The following TMC2 variants were observed in gnomAD, a reference collection of about 807,000 sequenced individuals.
The protein encoded by TMC2 is transmembrane channel like 2, also known as transmembrane channel-like protein 2.
A neutral mutation model predicts 105.9 loss-of-function variants in TMC2; 102 were observed. The observed-to-expected ratio is 0.96, with a 90% CI of 0.82 to 1.14. The LOEUF (loss-of-function observed/expected upper bound fraction) is 1.14, where lower values mean the gene tolerates loss of function less well. TMC2 is among the 50% of genes most tolerant of loss of function. The pLI is 0.00. For synonymous variants in TMC2, 402 were observed against 422.8 expected, an observed-to-expected ratio of 0.95 and a Z score of 0.60; for missense variants, 1,093 against 1,134.3, an observed-to-expected ratio of 0.96 and a Z score of 0.52.
At chr20:2,577,333 G>A (rs570743133) in intron 5 of TMC2, among the ~76,000 whole-genome samples, 2 of 152,192 alleles carry the variant, frequency 1.3e-5, no homozygotes, top group South Asian at 4.2e-4. Flanking sequence ...GAGCCACCAC[G>A]CCCAGCCCAA....
chr20:2,623,260 G>A (rs188560737), intron 16 of TMC2, among the ~76,000 whole-genome samples: 3 of 152,088 alleles, frequency 2.0e-5, no homozygotes, highest in African/African-American at 4.8e-5. Context: ...TTGTCAGGCC[G>A]GGCACAGTGG....
At chr20:2,578,925 C>T (rs1222232342) in intron 5 of TMC2, among the ~76,000 whole-genome samples, 2 of 152,226 alleles carry the variant, frequency 1.3e-5, no homozygotes, top group Non-Finnish European at 2.9e-5. Flanking sequence ...GTGGCCCTCA[C>T]TTGTCTCTCA....
At chr20:2,549,311 C>T (rs770423324) in intron 2 of TMC2, among the ~76,000 whole-genome samples, 2 of 152,226 alleles carry the variant, frequency 1.3e-5, no homozygotes, top group Non-Finnish European at 2.9e-5. Context: ...CCTCCTCAGC[C>T]TCCCAAAGTG....
intron 7 of TMC2, among the ~76,000 whole-genome samples, chr20:2,585,729 A>G (rs2146204568): frequency 6.6e-6 from 1 of 152,316 alleles, no homozygotes; most frequent in Admixed American, 6.5e-5. Flanking sequence ...CTCAGTGGCT[A>G]TTGGCCAGAG....
At chr20:2,554,910 G>C (rs927258589) in intron 2 of TMC2, among the ~76,000 whole-genome samples, 12 of 152,094 alleles carry the variant, frequency 7.9e-5, no homozygotes, top group African/African-American at 2.7e-4. Context: ...GTTGTTGTTG[G>C]ATGATATATT....
intron 7 of TMC2, among the ~76,000 whole-genome samples, chr20:2,581,268 G>C (rs1487934359): frequency 6.6e-6 from 1 of 152,188 alleles, no homozygotes; most frequent in Non-Finnish European, 1.5e-5. Context: ...GGTAGCAAAG[G>C]AGTGTTACAT....
intron 7 of TMC2, among the ~76,000 whole-genome samples, chr20:2,582,670 T>C (rs1395179987): frequency 6.6e-6 from 1 of 152,054 alleles, no homozygotes; most frequent in Non-Finnish European, 1.5e-5. Flanking sequence ...GAGATGGGGT[T>C]TCGCCATGTT....
intron 11 of TMC2, among the ~76,000 whole-genome samples, chr20:2,607,636 A>G (rs1039661552): frequency 3.3e-5 from 5 of 152,184 alleles, no homozygotes; most frequent in African/African-American, 1.2e-4. Context: ...TGGATACCCC[A>G]CTGTTTCTCT....
At position 2,643,060 on chromosome 20, in the gene TMC2, C is replaced by G. The variant is rs182425720; in HGVS notation, c.*1709C>G. 6.6e-6 allele frequency among the ~76,000 whole-genome samples: 1 copy of G among 152,152 alleles called. No homozygotes were observed. Among genetic ancestry groups the G allele is most frequent in the South Asian group, 2.1e-4 (1 of 4,832 alleles). On this transcript the variant is annotated 3_prime_UTR_variant, in exon 20 of 20. Transcript: ENST00000358864. ...AGCACCAAAACTTCACATATATATA[C>G]AAACTGCAATGGAATAATAGGGACA...
rs2086028592 is a variant in TMC2 at position 2,561,881 on chromosome 20, C to T, written c.425C>T (p.Ala142Val). ...AGGTCATCCTCCTTGGCCTCCAGTG[C>T]CTCTGGTGGGGAGTCCCTGTCCGAG... The part of the protein sequence containing the change: ...KPRSSSLASS[A>V]SGGESLSEEE... The change falls in exon 4 of 20, where the codon GCC becomes GTC. Residue 142 changes from alanine to valine, a missense_variant. By Grantham distance (64) the Ala-to-Val change is moderately conservative. Coordinates refer to ENST00000358864, the MANE Select transcript of TMC2 (RefSeq NM_080751.3). 1 of 1,614,060 alleles carries T rather than the reference C, an allele frequency of 6.2e-7. No individual in the cohort carries two copies. The highest frequency in any genetic ancestry group is 2.2e-5 in the East Asian group (1 of 44,892).
chr20:2,609,572 A>G (rs2086419891), intron 11 of TMC2, among the ~76,000 whole-genome samples: 1 of 152,180 alleles, frequency 6.6e-6, no homozygotes, highest in Non-Finnish European at 1.5e-5. Flanking sequence ...TAGGTTACAG[A>G]TGGAATTGTC....
rs780653257 is a variant in TMC2 at position 2,536,680 on chromosome 20, G to C, written c.34+25G>C. 14 of 1,565,852 alleles carry C rather than the reference G, an allele frequency of 8.9e-6. No homozygotes were observed. In the Admixed American group the frequency reaches 2.7e-4, roughly 30 times the overall value. ...GGTGAGTCCACGTCCTGATCCTGCG[G>C]GGCCCGCCCACAGGGTTCCTGGGCA... On this transcript the variant is annotated intron_variant, in intron 1 of 19. Transcript: ENST00000358864.
chr20:2,545,034 C>T (rs929273392), intron 2 of TMC2, among the ~76,000 whole-genome samples: 3 of 98,386 alleles, frequency 3.0e-5, no homozygotes, highest in African/African-American at 1.0e-4. Context: ...CTGTCTCTAC[C>T]AAAAAAAAAA....
At chr20:2,625,200 C>A (rs898862570) in intron 17 of TMC2, among the ~76,000 whole-genome samples, 4 of 152,102 alleles carry the variant, frequency 2.6e-5, no homozygotes, top group African/African-American at 9.7e-5. Flanking sequence ...TTAAAAAAAT[C>A]TTATTTTGGC....
chr20:2,584,423 G>T (rs1190148240), intron 7 of TMC2, among the ~76,000 whole-genome samples: 1 of 137,450 alleles, frequency 7.3e-6, no homozygotes, highest in Non-Finnish European at 1.5e-5. Flanking sequence ...CAGCCTGGGC[G>T]ACAGAGCGAG....
intron 2 of TMC2, among the ~76,000 whole-genome samples, chr20:2,555,832 G>C (rs1391731839): frequency 1.3e-5 from 2 of 152,090 alleles, no homozygotes; most frequent in Non-Finnish European, 2.9e-5. Context: ...TTTTAAAAAA[G>C]GTTTGTTCTA....
chr20:2,586,400 T>C (rs1389321947), intron 7 of TMC2, among the ~76,000 whole-genome samples: 1 of 152,194 alleles, frequency 6.6e-6, no homozygotes, highest in African/African-American at 2.4e-5. Flanking sequence ...TAGTAGCCTG[T>C]TCTTGTGTTG....
intron 7 of TMC2, among the ~76,000 whole-genome samples, chr20:2,582,475 T>TTA (rs200855032): frequency 2.8e-4 from 42 of 151,802 alleles, no homozygotes; most frequent in Non-Finnish European, 4.0e-4. Context: ...AAAAAATTAT[T>TTA]TATATATATA....
intron 2 of TMC2, among the ~76,000 whole-genome samples, chr20:2,546,809 G>T (rs1266330413): frequency 6.6e-6 from 1 of 152,096 alleles, no homozygotes; most frequent in Admixed American, 6.6e-5. Flanking sequence ...CTGGTTGAGG[G>T]TAACTTATTA....
Sources: gnomAD v4.1 joint callset for allele counts (sites outside exome capture counted in the v4.1 genomes callset) on GRCh38, gnomAD v4.1.1 for gene constraint, MANE v1.5 for transcripts, NCBI Gene and HGNC (gene_info 2026-07-23, HGNC 2026-07-21) for gene names.